PUDP: variants seen among roughly 807,000 people sequenced by gnomAD.
PUDP encodes the protein pseudouridine-5'-phosphatase.
A neutral mutation model predicts 9.4 loss-of-function variants in PUDP; 8 were observed. The observed-to-expected ratio is 0.85, with a 90% CI of 0.50 to 1.53. The LOEUF is 1.53. Ranked by LOEUF, PUDP falls within the 40% of genes most tolerant of loss-of-function variation. The pLI is 0.00. For missense variants in PUDP, 188 were observed against 189.7 expected (o/e 0.99, Z 0.05); for synonymous variants, 99 against 80.7 (o/e 1.23, Z -1.22).
chrX:6,935,996 A>T (rs1291283777), intron 3 of PUDP, among the ~76,000 whole-genome samples: 4 of 109,362 alleles, frequency 3.7e-5, no homozygotes, highest in African/African-American at 1.3e-4. Context: ...TAATCAATAG[A>T]TTACCAACCA....
chrX:6,890,935 CAAAAAAAAAAA>C (rs764486249), intron 3 of PUDP, among the ~76,000 whole-genome samples: 9,537 of 32,778 alleles, frequency 0.29, 898 homozygotes, highest in Non-Finnish European at 0.38. Context: ...CTCATCTCTC[CAAAAAAAAAAA>C]AAAAAAAAAA....
chrX:6,964,301 T>C (rs973673943), intron 3 of PUDP, among the ~76,000 whole-genome samples: 1 of 112,331 alleles, frequency 8.9e-6, no homozygotes, highest in African/African-American at 3.2e-5. Flanking sequence ...AACTAAGCCA[T>C]TGAAGCAAAA....
chrX:7,116,180 A>G (rs1283309897), intron 1 of PUDP, among the ~76,000 whole-genome samples: 3 of 111,713 alleles, frequency 2.7e-5, no homozygotes, highest in African/African-American at 9.8e-5. Context: ...TTACAGTTGG[A>G]AAAGGGAGGC....
intron 1 of PUDP, among the ~76,000 whole-genome samples, chrX:7,142,130 A>C (rs1394984663): frequency 8.9e-6 from 1 of 111,932 alleles, no homozygotes; most frequent in Admixed American, 9.5e-5. Context: ...TTCAACTTTC[A>C]AGTCTTATTA....
intron 3 of PUDP, among the ~76,000 whole-genome samples, chrX:6,886,909 T>A (rs1927431472): frequency 9.1e-6 from 1 of 109,696 alleles, no homozygotes; most frequent in African/African-American, 3.3e-5. Context: ...ATTTTCTGCA[T>A]CATGGTTGTA....
chrX:7,036,541 CCT>C (rs893744863), intron 1 of PUDP, among the ~76,000 whole-genome samples: 1 of 110,330 alleles, frequency 9.1e-6, no homozygotes, highest in Non-Finnish European at 1.9e-5. Flanking sequence ...CTCCCATCCC[CCT>C]CTTTTTCTCT....
At chrX:6,910,068 G>A (rs1175807337) in intron 3 of PUDP, among the ~76,000 whole-genome samples, 3 of 111,929 alleles carry the variant, frequency 2.7e-5, no homozygotes, top group Non-Finnish European at 5.6e-5. Flanking sequence ...GATGGAAACA[G>A]CTTCTGCTAT....
intron 1 of PUDP, among the ~76,000 whole-genome samples, chrX:7,018,731 G>A (rs1287784223): frequency 8.9e-6 from 1 of 111,819 alleles, no homozygotes; most frequent in Non-Finnish European, 1.9e-5. Context: ...TTCCAAGAAG[G>A]GTGTTGTATC....
intron 3 of PUDP, among the ~76,000 whole-genome samples, chrX:6,795,131 T>C (rs1925822492): frequency 9.0e-6 from 1 of 111,003 alleles, no homozygotes. Flanking sequence ...GGATTGTCAC[T>C]AGGCGACAGG....
At chrX:6,795,898 G>C (rs1195801478) in intron 3 of PUDP, among the ~76,000 whole-genome samples, 4 of 112,102 alleles carry the variant, frequency 3.6e-5, no homozygotes, top group African/African-American at 1.3e-4. Context: ...AGTCCTTCCA[G>C]AGAACGGGGT....
chrX:6,968,911 C>T (rs1396728872), intron 3 of PUDP, among the ~76,000 whole-genome samples: 1 of 112,237 alleles, frequency 8.9e-6, no homozygotes, highest in Non-Finnish European at 1.9e-5. Flanking sequence ...TGAGCCACCG[C>T]ACCTGGCCCT....
At chrX:7,019,912 T>C (rs1322211021) in intron 1 of PUDP, among the ~76,000 whole-genome samples, 1 of 111,231 alleles carries the variant, frequency 9.0e-6, no homozygotes, top group East Asian at 2.8e-4. Flanking sequence ...TGAATTCAGA[T>C]GTAACATGAA....
In PUDP at chrX:6,762,157, A is replaced by C. The variant is rs186783784; in HGVS notation, c.*248-55691T>G. Among the ~76,000 whole-genome samples, 18 of 112,004 alleles carry C rather than the reference A, an allele frequency of 1.6e-4. No individual in the cohort carries two copies. The Admixed American group carries it at 1.6e-3, about 10-fold the overall frequency. Reference sequence around the variant, plus strand: ...CAGTAAGCCGAGATCATACCACTGCACTCCAGCCTGGGCCACAGAGCAGAT... The same window carrying C: ...CAGTAAGCCGAGATCATACCACTGCCCTCCAGCCTGGGCCACAGAGCAGAT... On this transcript the variant is annotated intron_variant and NMD_transcript_variant, in intron 3 of 3. Coordinates refer to the PUDP transcript ENST00000655425.
intron 3 of PUDP, among the ~76,000 whole-genome samples, chrX:6,941,421 G>T (rs1347203664): frequency 1.1e-5 from 1 of 93,545 alleles, no homozygotes; most frequent in Non-Finnish European, 2.0e-5. Context: ...GCTCACTGCA[G>T]CCTCTACCTC....
chrX:6,863,274 C>T (rs1927030685), intron 3 of PUDP, among the ~76,000 whole-genome samples: 2 of 112,558 alleles, frequency 1.8e-5, no homozygotes. Flanking sequence ...CTTTCTTCTA[C>T]TAAATCATTG....
intron 3 of PUDP, among the ~76,000 whole-genome samples, chrX:6,969,135 G>C (rs1387760971): frequency 1.8e-5 from 2 of 112,785 alleles, no homozygotes; most frequent in Non-Finnish European, 3.7e-5. Context: ...AGGCAACAGA[G>C]TGTATGTGAG....
intron 2 of PUDP, among the ~76,000 whole-genome samples, chrX:7,093,472 G>A (rs1198374453): frequency 8.9e-6 from 1 of 111,926 alleles, no homozygotes; most frequent in African/African-American, 3.3e-5. Context: ...AGGAGGCTGT[G>A]AGCGGGTGCT....
At chrX:6,948,138 C>T (rs922994275) in intron 3 of PUDP, among the ~76,000 whole-genome samples, 1 of 112,286 alleles carries the variant, frequency 8.9e-6, no homozygotes, top group Non-Finnish European at 1.9e-5. Flanking sequence ...GGCCCATTCT[C>T]CTAGTACACA....
intron 3 of PUDP, among the ~76,000 whole-genome samples, chrX:6,844,736 C>T (rs771589189): frequency 9.7e-4 from 109 of 112,176 alleles, no homozygotes; most frequent in African/African-American, 3.3e-3. Flanking sequence ...AGAAGTCCCA[C>T]AATGATGCCA....
Sources: allele counts gnomAD v4.1 joint callset (sites outside exome capture counted in the v4.1 genomes callset), GRCh38; gene constraint gnomAD v4.1.1; transcripts MANE v1.5; gene names NCBI Gene and HGNC (gene_info 2026-07-23, HGNC 2026-07-21).